Variants in TMEM236 observed in about 807,000 individuals in gnomAD.
TMEM236 encodes the protein family with sequence similarity 23, member A.
TMEM236 carries 11 observed loss-of-function variants against 14.7 expected under a neutral mutation model. The observed-to-expected ratio is 0.75, with a 90% CI of 0.47 to 1.24. The LOEUF (loss-of-function observed/expected upper bound fraction) is 1.24, where lower values mean the gene tolerates loss of function less well. TMEM236 is among the 50% of genes most tolerant of loss of function. The probability of loss-of-function intolerance (pLI) is 0.00; values close to 1 mark genes in which losing one functional copy is unlikely to be tolerated. For missense variants in TMEM236, 464 were observed against 427.3 expected (o/e 1.09, Z -0.76); for synonymous variants, 182 against 168.6 (o/e 1.08, Z -0.62).
rs1489842488 is a variant in TMEM236 at position 17,796,277 on chromosome 10, C to G, written c.829C>G (p.Leu277Val). ...YPVYIFSFIS[L>V]LRITFTPQNP... Reference sequence around the variant, plus strand: ...AGTCTACATATTCAGTTTTATTTCTCTCCTTCGAATTACATTCACTCCCCA... The same window carrying G: ...AGTCTACATATTCAGTTTTATTTCTGTCCTTCGAATTACATTCACTCCCCA... Residue 277 changes from leucine to valine, a missense_variant, in exon 4 of 4, where the codon CTC becomes GTC. Transcript: ENST00000377495. 8.1e-6 allele frequency: 13 copies of G among 1,613,976 alleles called. No individual in the cohort carries two copies. In the East Asian group the frequency reaches 2.7e-4, roughly 33 times the overall value.
rs879036347 is a variant in TMEM236, at chr10:17,768,086, GTTTTTT to G, written c.258-3206_258-3201del. ...CCACCACACCTCGCTAATTTTTGTG[GTTTTTT>G]TTTTTTTTTTTTTTTTGTAGAGACG... On this transcript the variant is annotated intron_variant, in intron 1 of 3. Coordinates refer to ENST00000377495, the MANE Select transcript of TMEM236 (RefSeq NM_001098844.3). Among the ~76,000 whole-genome samples the G allele has an allele frequency of 2.1e-4, 19 of 92,022 alleles. 1 individual carries two copies. Among genetic ancestry groups the G allele is most frequent in the African/African-American group, 8.4e-4 (19 of 22,708 alleles). 60.4% of individuals were successfully genotyped at this position (92,022 alleles called of 152,430 possible).
intron 1 of TMEM236, among the ~76,000 whole-genome samples, chr10:17,762,153 T>G (rs2131742687): frequency 6.6e-6 from 1 of 152,284 alleles, no homozygotes; most frequent in South Asian, 2.1e-4. Flanking sequence ...TTCTCTGAGC[T>G]TACTGTATCC....
rs1010713049 is a variant in TMEM236 at position 17,757,226 on chromosome 10, G to A, written c.257+4674G>A. 2.0e-4 allele frequency among the ~76,000 whole-genome samples: 30 copies of A among 152,302 alleles called. No homozygotes were observed. In the East Asian group the frequency reaches 5.0e-3, roughly 25 times the overall value. On this transcript the variant is annotated intron_variant, in intron 1 of 3. Transcript: ENST00000377495. Reference sequence around the variant, plus strand: ...AGTTTAAACTTTACAACAACTCAGCGAAGTGTACATGCTAAAGTTCTCATT... The same window carrying A: ...AGTTTAAACTTTACAACAACTCAGCAAAGTGTACATGCTAAAGTTCTCATT...
intron 1 of TMEM236, among the ~76,000 whole-genome samples, chr10:17,755,468 G>A (rs1471312288): frequency 2.0e-5 from 3 of 152,148 alleles, no homozygotes; most frequent in African/African-American, 4.8e-5. Flanking sequence ...CTACTTCTGC[G>A]AACCTTGCCA....
chr10:17,796,007 G>T lies in TMEM236; in HGVS notation c.559G>T (p.Ala187Ser). 6.2e-7 allele frequency: 1 copy of T among 1,613,942 alleles called. No homozygotes were observed. Reference sequence around the variant, plus strand: ...AGTGAGGCAAAGTCCAGAAAACGCTGCATCTCCCCAGGCAACCAACAGCAC... The same window carrying T: ...AGTGAGGCAAAGTCCAGAAAACGCTTCATCTCCCCAGGCAACCAACAGCAC... ...EQVRQSPENA[A>S]SPQATNSTQV... Residue 187 changes from alanine (A) to serine (S), a missense_variant, in exon 4 of 4, where the codon GCA becomes TCA. Ala to Ser is a moderately conservative substitution (Grantham distance 99). Transcript: ENST00000377495.
Position 17,796,260 on chromosome 10 carries a change from T to C in TMEM236, c.812T>C (p.Ile271Thr), listed in dbSNP as rs2131770904. ...YKSSWLYPVYIFSFISLLRIT... is the reference protein window; with the variant it reads ...YKSSWLYPVYTFSFISLLRIT... The stretch of plus-strand genomic sequence containing the variant: ...TCAAGCTGGCTATACCCAGTCTACA[T>C]ATTCAGTTTTATTTCTCTCCTTCGA... Residue 271 changes from isoleucine (I) to threonine (T), a missense_variant, in exon 4 of 4, where the codon ATA (isoleucine) becomes ACA (threonine). Transcript: ENST00000377495. 6.2e-7 allele frequency: 1 copy of C among 1,613,932 alleles called. No homozygotes were observed. The highest frequency in any genetic ancestry group is 1.1e-5 in the South Asian group (1 of 91,082).
At chr10:17,762,618 T>TATATATATAC (rs1837389497) in intron 1 of TMEM236, among the ~76,000 whole-genome samples, 1 of 63,942 alleles carries the variant, frequency 1.6e-5, no homozygotes, top group Non-Finnish European at 2.7e-5. Context: ...TATATATATA[T>TATATATATAC]ACACACATAC....
chr10:17,788,861 G>A (rs982558996), intron 3 of TMEM236, among the ~76,000 whole-genome samples: 2 of 152,194 alleles, frequency 1.3e-5, no homozygotes, highest in African/African-American at 4.8e-5. Context: ...GGCTTTTCCA[G>A]AGCTGATGAC....
chr10:17,758,510 T>A (rs1217026546), intron 1 of TMEM236, among the ~76,000 whole-genome samples: 1 of 152,208 alleles, frequency 6.6e-6, no homozygotes, highest in Admixed American at 6.5e-5. Context: ...TGAGCCTTAA[T>A]TTTTTCGTGA....
chr10:17,760,512 A>T (rs969716477), intron 1 of TMEM236, among the ~76,000 whole-genome samples: 1 of 152,138 alleles, frequency 6.6e-6, no homozygotes, highest in Non-Finnish European at 1.5e-5. Flanking sequence ...GATATGGAGA[A>T]TTTTTATTTT....
intron 2 of TMEM236, among the ~76,000 whole-genome samples, chr10:17,773,356 CAG>C (rs1351140068): frequency 6.6e-6 from 1 of 152,142 alleles, no homozygotes; most frequent in Non-Finnish European, 1.5e-5. Flanking sequence ...TTTTTGGAGA[CAG>C]AGTCTTTCTC....
At chr10:17,771,279 T>C in intron 1 of TMEM236, 30 bp from the exon 2 acceptor site, 1 of 1,604,530 alleles carries the variant, frequency 6.2e-7, no homozygotes, top group Non-Finnish European at 8.5e-7. Flanking sequence ...TGTCCATGAT[T>C]GCTTTGGCTT....
At chr10:17,778,668 T>C (rs1837696692) in intron 3 of TMEM236, among the ~76,000 whole-genome samples, 1 of 152,202 alleles carries the variant, frequency 6.6e-6, no homozygotes, top group South Asian at 2.1e-4. Flanking sequence ...AATGCATACA[T>C]GTCTGTCAGC....
chr10:17,757,890 T>A (rs1241579853), intron 1 of TMEM236, among the ~76,000 whole-genome samples: 1 of 152,084 alleles, frequency 6.6e-6, no homozygotes, highest in African/African-American at 2.4e-5. Flanking sequence ...CATCTCAGCC[T>A]CCTGAGTAGC....
chr10:17,757,495 G>A (rs1285290039), intron 1 of TMEM236, among the ~76,000 whole-genome samples: 2 of 151,576 alleles, frequency 1.3e-5, no homozygotes, highest in Non-Finnish European at 2.9e-5. Flanking sequence ...GCTGCTCTGG[G>A]AGCTAAAGGG....
chr10:17,777,425 T>C (rs889282430), intron 3 of TMEM236, among the ~76,000 whole-genome samples: 2,153 of 152,272 alleles, frequency 0.014, 49 homozygotes, highest in African/African-American at 0.049. Flanking sequence ...GCTACATCTC[T>C]AGATTCCTTA....
Position 17,795,902 on chromosome 10 carries a change from A to G in TMEM236, c.473-19A>G. The G allele has an allele frequency of 6.8e-6, 11 of 1,612,310 alleles. No individual in the cohort carries two copies. The highest frequency in any genetic ancestry group is 9.3e-6 in the Non-Finnish European group (11 of 1,178,346). Reference sequence around the variant, plus strand: ...ATACATTTTAAAAACTAAAATGTAAATAAATCTGTTAATTGCAGGTAGTGA... The same window carrying G: ...ATACATTTTAAAAACTAAAATGTAAGTAAATCTGTTAATTGCAGGTAGTGA... On this transcript the variant is annotated intron_variant, in intron 3 of 3. Coordinates refer to ENST00000377495, the MANE Select transcript of TMEM236 (RefSeq NM_001098844.3).
rs898073045 is a variant in TMEM236 at position 17,777,665 on chromosome 10, C to A, written c.472+1495C>A. ...AAATTTCCTGTCCAAGTTAAAAGGT[C>A]TTTTTAAAAAAGAAAGACACGTGTA... is the stretch of plus-strand genomic sequence containing the variant. On this transcript the variant is annotated intron_variant, in intron 3 of 3. Coordinates refer to ENST00000377495, the MANE Select transcript of TMEM236 (RefSeq NM_001098844.3). Among the ~76,000 whole-genome samples the A allele has an allele frequency of 3.9e-5, 6 of 152,002 alleles. No homozygotes were observed. In the East Asian group the frequency reaches 1.2e-3, roughly 29 times the overall value.
At chr10:17,780,951 A>C (rs1297485005) in intron 3 of TMEM236, among the ~76,000 whole-genome samples, 1 of 152,116 alleles carries the variant, frequency 6.6e-6, no homozygotes, top group African/African-American at 2.4e-5. Flanking sequence ...TGTGATGTTT[A>C]CATAGCACCC....
Sources: allele counts gnomAD v4.1 joint callset (sites outside exome capture counted in the v4.1 genomes callset), GRCh38; gene constraint gnomAD v4.1.1; transcripts MANE v1.5; gene names NCBI Gene and HGNC (gene_info 2026-07-23, HGNC 2026-07-21).